The following BTD variants were observed in gnomAD, a reference collection of about 807,000 sequenced individuals.
The protein encoded by BTD is biocytinase.
BTD carries 13 observed loss-of-function variants against 17.7 expected under a neutral mutation model. That is an observed-to-expected ratio of 0.74 (90% CI 0.48 to 1.17). The LOEUF (loss-of-function observed/expected upper bound fraction) is 1.17. BTD is among the 50% of genes most tolerant of loss of function. The pLI is 0.00. For missense variants in BTD, 674 were observed against 650.4 expected, an observed-to-expected ratio of 1.04 and a Z score of -0.39; for synonymous variants, 240 against 245.2, an observed-to-expected ratio of 0.98 and a Z score of 0.20.
At chr3:15,707,998 T>C in intron 3 of BTD, 1 of 1,611,916 alleles carries the variant, frequency 6.2e-7, no homozygotes, top group South Asian at 1.1e-5. Flanking sequence ...TCACACTTGC[T>C]CCTGATCCCA....
At chr3:15,660,816 A>G (rs1314177474) in intron 3 of BTD, among the ~76,000 whole-genome samples, 1 of 152,076 alleles carries the variant, frequency 6.6e-6, no homozygotes, top group Non-Finnish European at 1.5e-5. Context: ...TGATCTTTTT[A>G]CTGCCCCCAT....
chr3:15,685,967 A>T, intron 3 of BTD: 2 of 1,552,768 alleles, frequency 1.3e-6, no homozygotes, highest in Non-Finnish European at 1.8e-6. Flanking sequence ...AGGTCATAAA[A>T]GCTTTTTGAA....
chr3:15,693,452 A>G (rs193243555), intron 3 of BTD, among the ~76,000 whole-genome samples: 102 of 152,250 alleles, frequency 6.7e-4, no homozygotes, highest in African/African-American at 2.4e-3. Flanking sequence ...AGAATTTCTA[A>G]GGAAACAACA....
chr3:15,641,464 A>G (rs1016551367), intron 2 of BTD, among the ~76,000 whole-genome samples: 3 of 152,220 alleles, frequency 2.0e-5, no homozygotes, highest in African/African-American at 7.2e-5. Context: ...CAACTGATTT[A>G]AATGCACAAT....
Position 15,635,703 on chromosome 3 carries a change from C to T in BTD, c.249+15C>T, listed in dbSNP as rs760435212. On this transcript the variant is annotated intron_variant, in intron 2 of 3. Coordinates refer to ENST00000643237, the MANE Select transcript of BTD (RefSeq NM_001370658.1). The surrounding 1 kb of genome is among the most constrained non-coding windows in gnomAD (Gnocchi z 4.1). ...CAGCCCAAAAGGCAAGAATGCTCCT[C>T]GGAACCTGAGTTTCTCTCATACAGA... The T allele has an allele frequency of 5.0e-6, 8 of 1,613,860 alleles. No individual in the cohort carries two copies. Among genetic ancestry groups the T allele is most frequent in the East Asian group, 4.5e-5 (2 of 44,906 alleles).
In BTD at chr3:15,635,516, A is replaced by G; in HGVS notation, c.77A>G (p.Glu26Gly). 1 of 1,614,090 alleles carries G rather than the reference A, an allele frequency of 6.2e-7. No homozygotes were observed. Among genetic ancestry groups the G allele is most frequent in the South Asian group, 1.1e-5 (1 of 91,088 alleles). Reference protein sequence around the residue: ...YVVALGAHTGEESVADHHEAE... With the variant: ...YVVALGAHTGGESVADHHEAE... ...GTTGCCCTGGGAGCCCACACCGGGG[A>G]GGAGAGCGTGGCTGACCATCACGAG... The change falls in exon 2 of 4, where the codon GAG (glutamate) becomes GGG (glycine). Residue 26 changes from glutamate (E) to glycine (G), a missense_variant. Coordinates refer to ENST00000643237, the MANE Select transcript of BTD (RefSeq NM_001370658.1). The surrounding 1 kb of genome is among the most constrained non-coding windows in gnomAD (Gnocchi z 4.1).
At chr3:15,704,461 G>A (rs1196087380) in intron 3 of BTD, among the ~76,000 whole-genome samples, 1 of 152,064 alleles carries the variant, frequency 6.6e-6, no homozygotes, top group Non-Finnish European at 1.5e-5. Flanking sequence ...TTTTCCTGGG[G>A]AGCTTTAAAG....
In BTD at chr3:15,677,541, C is replaced by T. The variant is rs1197999290; in HGVS notation, c.400-32519C>T. On this transcript the variant is annotated intron_variant, in intron 3 of 3. Transcript: ENST00000672141. ...GTTATCTTGTAAAGTCAGTTCTGCA[C>T]TAGCACTGCTAACCAGCATCTCTGG... 11 of 1,612,492 alleles carry T rather than the reference C, an allele frequency of 6.8e-6. No homozygotes were observed. The East Asian group carries it at 2.0e-4, about 29-fold the overall frequency.
rs903950359 is a variant in BTD at position 15,685,852 on chromosome 3, A to G, written c.400-24208A>G. The G allele has an allele frequency of 2.7e-5, 18 of 663,050 alleles. No individual in the cohort carries two copies. In the East Asian group the frequency reaches 4.4e-4, roughly 16 times the overall value. The allele number at this position is 663,050 out of a possible 1,614,324, so 41.1% of individuals were successfully genotyped here. A position where few individuals can be genotyped will look rare whatever the true frequency, so the allele number is the denominator to read the frequency against. On this transcript the variant is annotated intron_variant, in intron 3 of 3. Transcript: ENST00000672141. ...AAGTTGTACTCTGTAATTGTTCAAA[A>G]TTAGCATTTAAAAACTAAGATACTG...
chr3:15,708,085 C>A (rs1392755083), intron 3 of BTD: 2 of 1,583,676 alleles, frequency 1.3e-6, no homozygotes, highest in South Asian at 2.3e-5. Flanking sequence ...CAAGTTAATA[C>A]AAGAAAGATA....
chr3:15,689,443 C>A (rs1281256279), intron 3 of BTD, among the ~76,000 whole-genome samples: 2 of 152,212 alleles, frequency 1.3e-5, no homozygotes, highest in African/African-American at 4.8e-5. Flanking sequence ...CCCTGAGGGG[C>A]CCCTAAAATT....
intron 3 of BTD, among the ~76,000 whole-genome samples, chr3:15,707,475 C>T (rs1205528177): frequency 6.6e-6 from 1 of 152,170 alleles, no homozygotes; most frequent in Non-Finnish European, 1.5e-5. Context: ...ACCTTTTGGA[C>T]ACCAATTTAC....
intron 3 of BTD, among the ~76,000 whole-genome samples, chr3:15,643,497 C>T (rs1030110134): frequency 3.3e-5 from 5 of 151,066 alleles, no homozygotes; most frequent in African/African-American, 1.2e-4. Context: ...CCAGACCCTG[C>T]CTCAAAAAAA....
chr3:15,607,788 CA>C (rs1223439450), intron 1 of BTD, among the ~76,000 whole-genome samples: 1 of 151,494 alleles, frequency 6.6e-6, no homozygotes, highest in Non-Finnish European at 1.5e-5. Flanking sequence ...GCGGAAACAA[CA>C]AAAAAAGGAG....
At chr3:15,709,561 G>A (rs1223805643) in intron 3 of BTD, 3 of 711,418 alleles carry the variant, frequency 4.2e-6, no homozygotes, top group Non-Finnish European at 7.1e-6. Context: ...ATCATGATCA[G>A]TGTACAAGAT....
chr3:15,690,686 T>C (rs2068670516), intron 3 of BTD, among the ~76,000 whole-genome samples: 1 of 152,184 alleles, frequency 6.6e-6, no homozygotes, highest in Non-Finnish European at 1.5e-5. Flanking sequence ...CACCTCAGCC[T>C]CCTGAGTAGC....
At chr3:15,700,458 CA>C (rs71045180) in intron 3 of BTD, among the ~76,000 whole-genome samples, 1,468 of 146,778 alleles carry the variant, frequency 0.01, 9 homozygotes, top group Non-Finnish European at 0.013. Context: ...AGTATAATGA[CA>C]AAAAAAAAAA....
At position 15,635,634 on chromosome 3, in the gene BTD, C is replaced by T. The variant is rs2125454784; in HGVS notation, c.195C>T (p.Leu65=). The change falls in exon 2 of 4, where the codon CTC becomes CTT. Residue 65 remains leucine (L), a synonymous_variant. Coordinates refer to ENST00000643237, the MANE Select transcript of BTD (RefSeq NM_001370658.1). This position sits in a 1 kb window ranked among gnomAD's most constrained non-coding sequence, Gnocchi z 4.1. ...ALISRQEALE[L]MNQNLDIYEQ... ...TCAGCCGCCAAGAGGCCTTGGAGCT[C>T]ATGAACCAGAACCTTGACATCTATG... 1.2e-6 allele frequency: 2 copies of T among 1,614,220 alleles called. No homozygotes were observed. Among genetic ancestry groups the T allele is most frequent in the Non-Finnish European group, 1.7e-6 (2 of 1,180,042 alleles).
At chr3:15,712,129 G>A (rs1298998840) in exon 4 of BTD, 4 of 1,562,202 alleles carry the variant, frequency 2.6e-6, no homozygotes, top group Admixed American at 3.8e-5. Context: ...GGCTGCAAAG[G>A]TTACACTTAC....
Sources: gnomAD v4.1 joint callset for allele counts (sites outside exome capture counted in the v4.1 genomes callset) on GRCh38, gnomAD v4.1.1 for gene constraint, Gnocchi (gnomAD v3.1) non-coding constraint, MANE v1.5 for transcripts, NCBI Gene and HGNC (gene_info 2026-07-23, HGNC 2026-07-21) for gene names.